XPO6: variants seen among roughly 807,000 people sequenced by gnomAD.
XPO6 encodes the protein exportin 6.
A neutral mutation model predicts 130.0 loss-of-function variants in XPO6; 3 were observed. That is an observed-to-expected ratio of 0.02 (90% CI 0.01 to 0.06). The LOEUF (loss-of-function observed/expected upper bound fraction) is 0.06, where lower values mean the gene tolerates loss of function less well. Among genes scored for constraint, XPO6 ranks in the 10% least tolerant of loss-of-function variants. The probability of loss-of-function intolerance (pLI) is 1.00; values close to 1 mark genes in which losing one functional copy is unlikely to be tolerated. For missense variants in XPO6, 970 were observed against 1,393.0 expected (o/e 0.70, Z 4.83); for synonymous variants, 524 against 548.9 (o/e 0.95, Z 0.63).
chr16:28,157,952 G>A lies in XPO6; in HGVS notation c.644-1425C>T, dbSNP rs147469828. ...GTCCATGAAGGGACAGGCGTGAGGG[G>A]GAGAGCTGGAGGCAGTCTGGCCTCC... is the stretch of plus-strand genomic sequence containing the variant. On this transcript the variant is annotated intron_variant, in intron 6 of 23. Transcript: ENST00000304658. 3.2e-3 allele frequency among the ~76,000 whole-genome samples: 487 copies of A among 152,312 alleles called. 5 individuals carry two copies. Among genetic ancestry groups the A allele is most frequent in the African/African-American group, 0.011 (471 of 41,558 alleles).
At chr16:28,165,475 AAT>A (rs1445530399) in intron 6 of XPO6, 2 of 152,224 alleles carry the variant, frequency 1.3e-5, no homozygotes, top group Non-Finnish European at 2.9e-5. Context: ...AATTGTTTGT[AAT>A]CTAAGCAGTA....
At position 28,125,864 on chromosome 16, in the gene XPO6, C is replaced by A. The variant is rs772563553; in HGVS notation, c.1607-16G>T. 1 of 1,608,894 alleles carries A rather than the reference C, an allele frequency of 6.2e-7. No homozygotes were observed. Among genetic ancestry groups the A allele is most frequent in the Middle Eastern group, 1.7e-4 (1 of 6,044 alleles). ...AACCTGTGTCCTGGAACACAACACG[C>A]CAGACAGTTTTTCACAGGAAGACCA... On this transcript the variant is annotated splice_polypyrimidine_tract_variant and intron_variant, in intron 12 of 23. Coordinates refer to ENST00000304658, the MANE Select transcript of XPO6 (RefSeq NM_015171.4).
intron 14 of XPO6, among the ~76,000 whole-genome samples, chr16:28,118,427 C>T (rs1309938849): frequency 3.9e-5 from 6 of 152,214 alleles, no homozygotes; most frequent in Admixed American, 1.3e-4. Flanking sequence ...GGGGCACGAT[C>T]ATGGCTCACT....
At chr16:28,154,463 G>T in intron 7 of XPO6, 1 of 227,562 alleles carries the variant, frequency 4.4e-6, no homozygotes, top group Non-Finnish European at 7.3e-6. Context: ...AAAGGCAGTA[G>T]AGGGAAAGAG....
At position 28,132,646 on chromosome 16, in the gene XPO6, CCTTT is replaced by C. The variant is rs1326695820; in HGVS notation, c.1537-247_1537-244del. On this transcript the variant is annotated intron_variant, in intron 11 of 23. Coordinates refer to ENST00000304658, the MANE Select transcript of XPO6 (RefSeq NM_015171.4). The surrounding 1 kb of genome is among the most constrained non-coding windows in gnomAD (Gnocchi z 4.0). ...AAGAAAGAAAACGTATTAGTTCAAC[CCTTT>C]TTTTAAAAAAAAAAAAAAAGCAAAG... is the stretch of plus-strand genomic sequence containing the variant. Among the ~76,000 whole-genome samples the C allele has an allele frequency of 2.2e-5, 3 of 136,624 alleles. No homozygotes were observed. The highest frequency in any genetic ancestry group is 7.7e-5 in the Admixed American group (1 of 12,956). 89.6% of individuals were successfully genotyped at this position (136,624 alleles called of 152,430 possible). A position where few individuals can be genotyped will look rare whatever the true frequency, so the allele number is the denominator to read the frequency against.
Position 28,108,008 on chromosome 16 carries a change from C to A in XPO6, c.2342-331G>T, listed in dbSNP as rs191156043. Among the ~76,000 whole-genome samples the A allele has an allele frequency of 3.2e-4, 49 of 152,142 alleles. No individual in the cohort carries two copies. In the East Asian group the frequency reaches 9.5e-3, roughly 29 times the overall value. ...AGAAGAAAAAAGATAAATAAATGTA[C>A]CCCCAGGTTGGGTGCCTTGGATTTA... On this transcript the variant is annotated intron_variant, in intron 17 of 23. Transcript: ENST00000304658.
intron 23 of XPO6, among the ~76,000 whole-genome samples, chr16:28,099,794 T>G (rs1178795393): frequency 6.6e-6 from 1 of 152,172 alleles, no homozygotes; most frequent in African/African-American, 2.4e-5. Flanking sequence ...GCCCGGGGCT[T>G]GAGAAGCAGC....
intron 1 of XPO6, among the ~76,000 whole-genome samples, chr16:28,204,304 G>A (rs1421601307): frequency 2.0e-5 from 3 of 152,012 alleles, no homozygotes; most frequent in Non-Finnish European, 4.4e-5. Context: ...AGGATGTCAG[G>A]GACTGGAAGT....
intron 8 of XPO6, among the ~76,000 whole-genome samples, chr16:28,151,179 TAAAAAAA>T (rs57769506): frequency 9.4e-6 from 1 of 106,776 alleles, no homozygotes; most frequent in African/African-American, 3.4e-5. Flanking sequence ...CACTAGTGGT[TAAAAAAA>T]AAAAAAAAAA....
intron 7 of XPO6, among the ~76,000 whole-genome samples, chr16:28,155,338 CCCT>C (rs549389546): frequency 1.7e-3 from 257 of 152,172 alleles, no homozygotes; most frequent in Non-Finnish European, 3.0e-3. Context: ...TTTCCAAATT[CCCT>C]CCTGTTTTCA....
At chr16:28,121,797 A>G (rs768955598) in intron 13 of XPO6, 35 bp from the exon 14 acceptor site, 2 of 1,446,208 alleles carry the variant, frequency 1.4e-6, no homozygotes, top group Non-Finnish European at 1.9e-6. Context: ...AAGAACATTC[A>G]GCTTATGAAC....
chr16:28,173,628 G>A (rs2043490498), intron 4 of XPO6, among the ~76,000 whole-genome samples: 1 of 152,130 alleles, frequency 6.6e-6, no homozygotes, highest in Non-Finnish European at 1.5e-5. Flanking sequence ...AAAGTTGGGT[G>A]CAGAACCCAA....
intron 9 of XPO6, among the ~76,000 whole-genome samples, chr16:28,140,286 G>A (rs2042865423): frequency 6.7e-6 from 1 of 148,888 alleles, no homozygotes; most frequent in Admixed American, 6.7e-5. Context: ...ATAACAAAAA[G>A]GTATATGGAA....
chr16:28,188,539 G>A (rs1055083294), intron 1 of XPO6, among the ~76,000 whole-genome samples: 6 of 151,886 alleles, frequency 4.0e-5, no homozygotes, highest in Admixed American at 2.6e-4. Context: ...AAACATATCC[G>A]GTGTGTTACA....
rs1260343913 is a variant in XPO6 at position 28,211,491 on chromosome 16, C to T, written c.-123G>A. 6.9e-6 allele frequency: 8 copies of T among 1,161,274 alleles called. No homozygotes were observed. The East Asian group carries it at 2.4e-4, about 35-fold the overall frequency. The allele number at this position is 1,161,274 out of a possible 1,614,324, so 71.9% of individuals were successfully genotyped here. ...GTCCCCCACCCATGCAAAGACAACCCCTTCCCCACCGGGCCCCGAGGGGAC... is the reference window on the plus strand; with the variant it reads ...GTCCCCCACCCATGCAAAGACAACCTCTTCCCCACCGGGCCCCGAGGGGAC... On this transcript the variant is annotated 5_prime_UTR_variant, in exon 1 of 24. Coordinates refer to ENST00000304658, the MANE Select transcript of XPO6 (RefSeq NM_015171.4).
intron 8 of XPO6, among the ~76,000 whole-genome samples, chr16:28,146,563 T>C (rs2042986399): frequency 6.6e-6 from 1 of 152,176 alleles, no homozygotes; most frequent in South Asian, 2.1e-4. Flanking sequence ...GAGATATAAG[T>C]TGTTCAAGGC....
intron 12 of XPO6, among the ~76,000 whole-genome samples, chr16:28,126,371 T>G (rs1380734489): frequency 6.6e-6 from 1 of 152,008 alleles, no homozygotes; most frequent in Non-Finnish European, 1.5e-5. Context: ...CACTCAGCAC[T>G]CCACCCCTGA....
intron 1 of XPO6, among the ~76,000 whole-genome samples, chr16:28,202,480 G>C (rs1222698312): frequency 6.6e-6 from 1 of 152,174 alleles, no homozygotes. Flanking sequence ...ATGACAGCTT[G>C]ATCAAAGCAG....
intron 1 of XPO6, among the ~76,000 whole-genome samples, chr16:28,201,581 G>A (rs931747728): frequency 6.6e-6 from 1 of 152,220 alleles, no homozygotes; most frequent in African/African-American, 2.4e-5. Context: ...TCTTGGCCGG[G>A]CGTGGTGGCT....
Sources: allele counts gnomAD v4.1 joint callset (sites outside exome capture counted in the v4.1 genomes callset), GRCh38; gene constraint gnomAD v4.1.1; non-coding constraint Gnocchi (gnomAD v3.1); transcripts MANE v1.5; gene names NCBI Gene and HGNC (gene_info 2026-07-23, HGNC 2026-07-21).